PLCL2: variants seen among roughly 807,000 people sequenced by gnomAD.
The protein encoded by PLCL2 is inactive phospholipase C-like protein 2.
In PLCL2, 4 loss-of-function variants were observed where a neutral mutation model predicts 79.6. The ratio of observed to expected loss-of-function variants is 0.05; its 90% CI spans 0.02 to 0.11. The LOEUF is 0.11. PLCL2 is among the 10% of genes least tolerant of loss of function. PLCL2 has a pLI of 1.00. For synonymous variants in PLCL2, 484 were observed against 457.7 expected, an observed-to-expected ratio of 1.06 and a Z score of -0.73; for missense variants, 895 against 1,291.0, an observed-to-expected ratio of 0.69 and a Z score of 4.70.
chr3:17,080,020 C>T (rs540491958), intron 5 of PLCL2, among the ~76,000 whole-genome samples: 1 of 152,292 alleles, frequency 6.6e-6, no homozygotes, highest in South Asian at 2.1e-4. Flanking sequence ...CCCTTCATCC[C>T]CCTCTGGCAG....
chr3:16,885,064 G>A lies in PLCL2; in HGVS notation c.25G>A (p.Ala9Thr). 1 of 376,582 alleles carries A rather than the reference G, an allele frequency of 2.7e-6. No homozygotes were observed. The highest frequency in any genetic ancestry group is 3.8e-5 in the East Asian group (1 of 26,190). The allele number at this position is 376,582 out of a possible 1,614,324, so 23.3% of individuals were successfully genotyped here. A position where few individuals can be genotyped will look rare whatever the true frequency, so the allele number is the denominator to read the frequency against. Reference sequence around the variant, plus strand: ...CATGGCGGAGTGCGGCCGGGGGGGCGCCGCCGGCGGGGCCCTGCCCACCTC... The same window carrying A: ...CATGGCGGAGTGCGGCCGGGGGGGCACCGCCGGCGGGGCCCTGCCCACCTC... The part of the protein sequence containing the change: MAECGRGG[A>T]AGGALPTSPG... The change falls in exon 1 of 6, where the codon GCC (alanine) becomes ACC (threonine). Residue 9 changes from alanine to threonine, a missense_variant. Around this residue, in one of 6 missense-constraint regions of PLCL2, gnomAD observed 110 missense variants for 42.9 expected, o/e 2.56. Coordinates refer to ENST00000615277, the MANE Select transcript of PLCL2 (RefSeq NM_001144382.2).
chr3:16,910,962 T>A (rs1696866326), intron 1 of PLCL2, among the ~76,000 whole-genome samples: 1 of 152,082 alleles, frequency 6.6e-6, no homozygotes, highest in African/African-American at 2.4e-5. Context: ...CAATGTAGAA[T>A]TTGTAATGGG....
At chr3:16,944,142 T>C (rs564238238) in intron 1 of PLCL2, among the ~76,000 whole-genome samples, 1 of 152,338 alleles carries the variant, frequency 6.6e-6, no homozygotes, top group African/African-American at 2.4e-5. Context: ...AGCTGCCTGA[T>C]CTGTATATGG....
At chr3:17,072,046 C>T (rs1428601462) in intron 5 of PLCL2, among the ~76,000 whole-genome samples, 3 of 152,046 alleles carry the variant, frequency 2.0e-5, no homozygotes, top group Non-Finnish European at 4.4e-5. Flanking sequence ...AGGCTAGTTT[C>T]GAACTCCTGA....
At chr3:17,048,248 T>C (rs191983512) in intron 4 of PLCL2, among the ~76,000 whole-genome samples, 54 of 152,266 alleles carry the variant, frequency 3.5e-4, no homozygotes, top group Admixed American at 5.9e-4. Context: ...ACTTAACAAG[T>C]GTTCTGTTTG....
chr3:17,072,057 C>T (rs1397733726), intron 5 of PLCL2, among the ~76,000 whole-genome samples: 1 of 152,236 alleles, frequency 6.6e-6, no homozygotes, highest in South Asian at 2.1e-4. Context: ...GAACTCCTGA[C>T]CTCAGGTAAT....
chr3:17,083,920 C>T (rs572423937), intron 5 of PLCL2, among the ~76,000 whole-genome samples: 1 of 152,142 alleles, frequency 6.6e-6, no homozygotes, highest in South Asian at 2.1e-4. Context: ...TTGGTAGGTA[C>T]TAATTTTTAT....
At position 17,073,297 on chromosome 3, in the gene PLCL2, TTACACTATAA is replaced by T. The variant is rs536616564; in HGVS notation, c.3204+5234_3204+5243del. Among the ~76,000 whole-genome samples the T allele has an allele frequency of 2.2e-3, 334 of 152,344 alleles. 3 individuals carry two copies. The highest frequency in any genetic ancestry group is 6.8e-3 in the Middle Eastern group (2 of 294). On this transcript the variant is annotated intron_variant, in intron 5 of 5. Transcript: ENST00000615277. ...TTCCCAGTATATATAAAAGTTATAT[TTACACTATAA>T]TGTAGTCTATTAAGTGTGCAGTAGC...
chr3:16,969,033 A>G (rs542915745), intron 1 of PLCL2, among the ~76,000 whole-genome samples: 84 of 152,166 alleles, frequency 5.5e-4, no homozygotes, highest in African/African-American at 1.7e-3. Context: ...TGTTTATGTA[A>G]TGAATTGCAT....
intron 3 of PLCL2, among the ~76,000 whole-genome samples, chr3:17,033,028 A>T (rs1007374388): frequency 1.3e-5 from 2 of 152,150 alleles, no homozygotes; most frequent in Non-Finnish European, 2.9e-5. Flanking sequence ...TACAGATAAG[A>T]TGGGATGTTA....
chr3:16,928,016 TC>T (rs1331047367), intron 1 of PLCL2, among the ~76,000 whole-genome samples: 3 of 152,222 alleles, frequency 2.0e-5, no homozygotes, highest in African/African-American at 7.2e-5. Flanking sequence ...ATTCCTGTGC[TC>T]CAACTCTCAT....
intron 1 of PLCL2, among the ~76,000 whole-genome samples, chr3:16,987,633 C>T (rs1352175951): frequency 6.6e-6 from 1 of 152,068 alleles, no homozygotes; most frequent in Non-Finnish European, 1.5e-5. Flanking sequence ...AAATAAGATT[C>T]AAAATATGCC....
At chr3:16,940,957 AT>A (rs1274719739) in intron 1 of PLCL2, among the ~76,000 whole-genome samples, 5 of 152,126 alleles carry the variant, frequency 3.3e-5, no homozygotes, top group Non-Finnish European at 7.4e-5. Context: ...GCTGCTTTTA[AT>A]TTTGTAGGCC....
chr3:17,027,906 C>T (rs991742811), intron 3 of PLCL2, among the ~76,000 whole-genome samples: 18 of 152,202 alleles, frequency 1.2e-4, no homozygotes, highest in African/African-American at 4.1e-4. Context: ...TTTAATAGCG[C>T]CCGTGAGGCA....
At chr3:17,054,158 A>G (rs1197134268) in intron 4 of PLCL2, among the ~76,000 whole-genome samples, 1 of 152,110 alleles carries the variant, frequency 6.6e-6, no homozygotes, top group African/African-American at 2.4e-5. Context: ...TCTGCCAGAT[A>G]TCCTAAATCA....
At chr3:16,994,313 G>A (rs1370545148) in intron 1 of PLCL2, among the ~76,000 whole-genome samples, 2 of 151,956 alleles carry the variant, frequency 1.3e-5, no homozygotes, top group Admixed American at 6.6e-5. Context: ...TTCTGGATTC[G>A]GGCCATGCAG....
At chr3:17,029,496 T>A (rs552816497) in intron 3 of PLCL2, among the ~76,000 whole-genome samples, 1 of 152,218 alleles carries the variant, frequency 6.6e-6, no homozygotes, top group Admixed American at 6.5e-5. Context: ...GGTGGGAACA[T>A]CCCTCATATG....
At chr3:16,926,026 G>GA (rs1164841869) in intron 1 of PLCL2, among the ~76,000 whole-genome samples, 1 of 152,152 alleles carries the variant, frequency 6.6e-6, no homozygotes, top group East Asian at 1.9e-4. Context: ...GGGCCATATT[G>GA]ACTTATACTT....
At chr3:16,919,452 CT>C (rs1697073266) in intron 1 of PLCL2, among the ~76,000 whole-genome samples, 1 of 151,978 alleles carries the variant, frequency 6.6e-6, no homozygotes, top group Non-Finnish European at 1.5e-5. Flanking sequence ...GTTTCATAAT[CT>C]TTTTAAGCAT....
Sources: gnomAD v4.1 joint callset for allele counts (sites outside exome capture counted in the v4.1 genomes callset) on GRCh38, gnomAD v4.1.1 for gene constraint, gnomAD v4.1.1 regional missense constraint, MANE v1.5 for transcripts, NCBI Gene and HGNC (gene_info 2026-07-23, HGNC 2026-07-21) for gene names.